The following MAD1L1 variants were observed in gnomAD, a reference collection of about 807,000 sequenced individuals.
MAD1L1 encodes mitotic spindle assembly checkpoint protein MAD1.
A neutral mutation model predicts 96.9 loss-of-function variants in MAD1L1; 95 were observed. The observed-to-expected ratio is 0.98, with a 90% CI of 0.83 to 1.16. The LOEUF (loss-of-function observed/expected upper bound fraction) is 1.16. MAD1L1 is among the 50% of genes most tolerant of loss of function. The pLI is 0.00. For missense variants in MAD1L1, 1,007 were observed against 954.4 expected, an observed-to-expected ratio of 1.06 and a Z score of -0.73; for synonymous variants, 473 against 396.6, an observed-to-expected ratio of 1.19 and a Z score of -2.29.
intron 10 of MAD1L1, among the ~76,000 whole-genome samples, chr7:2,176,559 C>CA (rs919661265): frequency 1.3e-4 from 20 of 151,196 alleles, no homozygotes; most frequent in African/African-American, 3.9e-4. Context: ...TATTTTTATA[C>CA]AAAAAAAGCC....
chr7:2,202,411 G>A (rs1792361313), intron 10 of MAD1L1, among the ~76,000 whole-genome samples: 2 of 152,240 alleles, frequency 1.3e-5, no homozygotes, highest in African/African-American at 2.4e-5. Context: ...CCACTCTCCA[G>A]CTCCAGGGTC....
chr7:2,187,857 A>G (rs1791533845), intron 10 of MAD1L1, among the ~76,000 whole-genome samples: 1 of 152,202 alleles, frequency 6.6e-6, no homozygotes, highest in African/African-American at 2.4e-5. Context: ...ACATTTTCTC[A>G]AAAACGAATT....
intron 17 of MAD1L1, among the ~76,000 whole-genome samples, chr7:1,901,741 G>A (rs768194916): frequency 1.3e-5 from 2 of 152,264 alleles, no homozygotes; most frequent in South Asian, 2.1e-4. Flanking sequence ...GAGCCAAACC[G>A]TAGGGAGGCC....
intron 16 of MAD1L1, among the ~76,000 whole-genome samples, chr7:1,943,186 G>A (rs1779079227): frequency 6.6e-6 from 1 of 152,186 alleles, no homozygotes. Context: ...AACAGAGGAG[G>A]AAACCCTCCT....
At position 2,069,233 on chromosome 7, in the gene MAD1L1, C is replaced by T; in HGVS notation, c.1179G>A (p.Leu393=). ...GGACCCGTTTCTGGAGCCTCCGGGC[C>T]AGCGCCTCGTGGGTCTCGCGCTTCT... ...ERKKRETHEA[L]ARRLQKRVLL... The change falls in exon 12 of 19, where the codon CTG becomes CTA. Residue 393 remains leucine, a synonymous_variant. Transcript: ENST00000265854. 1 of 1,610,812 alleles carries T rather than the reference C, an allele frequency of 6.2e-7. No homozygotes were observed. The highest frequency in any genetic ancestry group is 8.5e-7 in the Non-Finnish European group (1 of 1,178,832).
intron 15 of MAD1L1, among the ~76,000 whole-genome samples, chr7:1,976,185 G>A (rs1327909078): frequency 2.0e-5 from 3 of 152,360 alleles, no homozygotes; most frequent in African/African-American, 7.2e-5. Flanking sequence ...ATGTGTGTGT[G>A]AGGACCATCC....
intron 16 of MAD1L1, among the ~76,000 whole-genome samples, chr7:1,944,231 G>T (rs1466658490): frequency 6.6e-6 from 1 of 152,194 alleles, no homozygotes; most frequent in African/African-American, 2.4e-5. Flanking sequence ...ACAGCAGGGT[G>T]ATGGATAACT....
At chr7:2,037,051 GCTCCCCC>G (rs1356673983) in intron 12 of MAD1L1, among the ~76,000 whole-genome samples, 2 of 151,988 alleles carry the variant, frequency 1.3e-5, no homozygotes, top group African/African-American at 4.8e-5. Context: ...TCCTCCCACA[GCTCCCCC>G]CACAGCATGA....
At chr7:1,898,495 C>A (rs750752832) in intron 17 of MAD1L1, 105 bp from the exon 18 acceptor site, 1 of 942,140 alleles carries the variant, frequency 1.1e-6, no homozygotes, top group South Asian at 1.6e-5. Flanking sequence ...GTGGGAGTGG[C>A]GGCTGCCCAG....
At chr7:2,232,487 C>T (rs3757439) in intron 1 of MAD1L1, among the ~76,000 whole-genome samples, 50,664 of 152,110 alleles carry the variant, frequency 0.33, 8,718 homozygotes, top group East Asian at 0.51. Context: ...CAGCTCAGGC[C>T]CCTTCCTCGG....
intron 18 of MAD1L1, among the ~76,000 whole-genome samples, chr7:1,826,567 C>T (rs1285383478): frequency 6.6e-6 from 1 of 152,208 alleles, no homozygotes; most frequent in Non-Finnish European, 1.5e-5. Context: ...GCTCCCACCC[C>T]TCTCTGCCCC....
chr7:2,093,726 C>T (rs1411779886), intron 11 of MAD1L1, among the ~76,000 whole-genome samples: 1 of 152,166 alleles, frequency 6.6e-6, no homozygotes, highest in African/African-American at 2.4e-5. Flanking sequence ...CTCATCCACC[C>T]CTATGAGACA....
rs1165498109 is a variant in MAD1L1 at position 1,820,905 on chromosome 7, C to T, written c.1999-4677G>A. ...GACCATCCTGGCTAACACAGTGAAA[C>T]CCCATCTCTACTAAAAATACAAAAA... On this transcript the variant is annotated intron_variant, in intron 18 of 18. Coordinates refer to ENST00000265854, the MANE Select transcript of MAD1L1 (RefSeq NM_001013836.2). Among the ~76,000 whole-genome samples, 3 of 152,052 alleles carry T rather than the reference C, an allele frequency of 2.0e-5. No individual in the cohort carries two copies. In the East Asian group the frequency reaches 5.8e-4, roughly 29 times the overall value.
chr7:1,970,695 T>C (rs1051213945), intron 15 of MAD1L1, among the ~76,000 whole-genome samples: 2 of 152,242 alleles, frequency 1.3e-5, no homozygotes, highest in Non-Finnish European at 2.9e-5. Flanking sequence ...TATATCTTAC[T>C]GTGGTGGCTG....
Position 2,124,081 on chromosome 7 carries a change from G to A in MAD1L1, c.1073+25071C>T, listed in dbSNP as rs539147674. ...GGGCAAACACCTCCAGGAGCAAGGCGAAGGCTCTCAGTACCCCCAGTACAG... is the reference window on the plus strand; with the variant it reads ...GGGCAAACACCTCCAGGAGCAAGGCAAAGGCTCTCAGTACCCCCAGTACAG... On this transcript the variant is annotated intron_variant, in intron 11 of 18. Coordinates refer to ENST00000265854, the MANE Select transcript of MAD1L1 (RefSeq NM_001013836.2). Among the ~76,000 whole-genome samples the A allele has an allele frequency of 8.6e-4, 131 of 152,312 alleles. 1 individual carries two copies. The highest frequency in any genetic ancestry group is 3.0e-3 in the African/African-American group (123 of 41,566).
At chr7:1,890,670 C>T (rs771089089) in intron 18 of MAD1L1, among the ~76,000 whole-genome samples, 1 of 152,226 alleles carries the variant, frequency 6.6e-6, no homozygotes, top group Admixed American at 6.5e-5. Flanking sequence ...CCGGCCACTA[C>T]AGGTATGTCG....
intron 16 of MAD1L1, among the ~76,000 whole-genome samples, chr7:1,949,630 C>A (rs1296873368): frequency 2.0e-5 from 3 of 152,236 alleles, no homozygotes; most frequent in Non-Finnish European, 4.4e-5. Flanking sequence ...CCCCTGAAAC[C>A]CCACAGGCAC....
At chr7:2,056,358 G>T (rs1452439195) in intron 12 of MAD1L1, among the ~76,000 whole-genome samples, 3 of 152,168 alleles carry the variant, frequency 2.0e-5, no homozygotes, top group Non-Finnish European at 4.4e-5. Flanking sequence ...AGCAGCATGG[G>T]GCTCGCGCAG....
intron 11 of MAD1L1, among the ~76,000 whole-genome samples, chr7:2,080,331 C>T (rs1416497078): frequency 1.3e-5 from 2 of 152,186 alleles, no homozygotes; most frequent in Admixed American, 6.5e-5. Flanking sequence ...ATACCACTAC[C>T]CTATACCACA....
Sources: gnomAD v4.1 joint callset for allele counts (sites outside exome capture counted in the v4.1 genomes callset) on GRCh38, gnomAD v4.1.1 for gene constraint, MANE v1.5 for transcripts, NCBI Gene and HGNC (gene_info 2026-07-23, HGNC 2026-07-21) for gene names.